ARHGAP15: variants seen among roughly 807,000 people sequenced by gnomAD.
ARHGAP15 encodes Rho GTPase activating protein 15.
In ARHGAP15, 51 loss-of-function variants were observed where a neutral mutation model predicts 63.7. The ratio of observed to expected loss-of-function variants is 0.80; its 90% CI spans 0.64 to 1.01. ARHGAP15 has a LOEUF of 1.01. Ranked by LOEUF, ARHGAP15 falls within the 50% of genes least tolerant of loss-of-function variation. The pLI is 0.00. For synonymous variants in ARHGAP15, 191 were observed against 193.8 expected, an observed-to-expected ratio of 0.99 and a Z score of 0.12; for missense variants, 560 against 564.6, an observed-to-expected ratio of 0.99 and a Z score of 0.08.
intron 6 of ARHGAP15, among the ~76,000 whole-genome samples, chr2:143,393,730 A>T (rs868715071): frequency 0.078 from 8,598 of 109,804 alleles, 358 homozygotes; most frequent in Non-Finnish European, 0.094. Flanking sequence ...TCTGTCTAAA[A>T]AAAAAAAAAA....
At chr2:143,187,874 T>C (rs893088711) in intron 2 of ARHGAP15, among the ~76,000 whole-genome samples, 1 of 152,214 alleles carries the variant, frequency 6.6e-6, no homozygotes, top group Admixed American at 6.5e-5. Flanking sequence ...AAAAAGTTTC[T>C]TTTTAAAATG....
chr2:143,484,128 C>T (rs1257825091), intron 8 of ARHGAP15, among the ~76,000 whole-genome samples: 1 of 151,920 alleles, frequency 6.6e-6, no homozygotes, highest in Non-Finnish European at 1.5e-5. Flanking sequence ...CTTTGGGAGG[C>T]TGGGGGTGGG....
chr2:143,290,408 A>C lies in ARHGAP15; in HGVS notation c.474+39808A>C, dbSNP rs1351698541. The stretch of plus-strand genomic sequence containing the variant: ...AATGATGGCAACAAGCCCAAACTCG[A>C]GTTTGTCCCATCCAAAAAAAGAAAA... On this transcript the variant is annotated intron_variant, in intron 6 of 13. Coordinates refer to ENST00000295095, the MANE Select transcript of ARHGAP15 (RefSeq NM_018460.4). Among the ~76,000 whole-genome samples the C allele has an allele frequency of 2.6e-5, 4 of 151,648 alleles. No homozygotes were observed. The East Asian group carries it at 5.8e-4, about 22-fold the overall frequency.
chr2:143,742,871 C>G (rs572851059), intron 13 of ARHGAP15, among the ~76,000 whole-genome samples: 1 of 152,180 alleles, frequency 6.6e-6, no homozygotes, highest in East Asian at 1.9e-4. Context: ...GCCATAACCA[C>G]GACTGCTCAT....
At chr2:143,325,238 T>A (rs1226504916) in intron 6 of ARHGAP15, among the ~76,000 whole-genome samples, 2 of 152,284 alleles carry the variant, frequency 1.3e-5, no homozygotes, top group East Asian at 3.9e-4. Context: ...TCAAGACAGC[T>A]TGAAACAGAC....
intron 10 of ARHGAP15, among the ~76,000 whole-genome samples, chr2:143,551,004 T>G (rs1176414052): frequency 6.6e-6 from 1 of 152,128 alleles, no homozygotes. Flanking sequence ...ATTAACTCAA[T>G]GAAGAGAAAG....
chr2:143,235,847 T>C, intron 5 of ARHGAP15: 1 of 1,382,262 alleles, frequency 7.2e-7, no homozygotes, highest in Non-Finnish European at 9.6e-7. Flanking sequence ...ATTTTTCAGG[T>C]ACACTTTCCT....
chr2:143,302,206 C>G (rs1428650208), intron 6 of ARHGAP15, among the ~76,000 whole-genome samples: 1 of 151,776 alleles, frequency 6.6e-6, no homozygotes, highest in African/African-American at 2.4e-5. Flanking sequence ...CTTGGTGTTC[C>G]ATATCCATCA....
chr2:143,731,470 C>A (rs138712615), intron 13 of ARHGAP15, among the ~76,000 whole-genome samples: 1 of 152,302 alleles, frequency 6.6e-6, no homozygotes, highest in East Asian at 1.9e-4. Context: ...AGTCATGCCT[C>A]ATACATCTCC....
At chr2:143,527,127 T>C (rs1164860711) in intron 10 of ARHGAP15, among the ~76,000 whole-genome samples, 1 of 152,102 alleles carries the variant, frequency 6.6e-6, no homozygotes, top group African/African-American at 2.4e-5. Context: ...AAATGACATT[T>C]TCCAAGGGAT....
At chr2:143,563,140 T>C (rs1045797236) in intron 11 of ARHGAP15, among the ~76,000 whole-genome samples, 2 of 152,218 alleles carry the variant, frequency 1.3e-5, no homozygotes, top group African/African-American at 4.8e-5. Flanking sequence ...GAAATTATTT[T>C]AACCCCTTTA....
At chr2:143,391,265 A>G (rs1260472101) in intron 6 of ARHGAP15, among the ~76,000 whole-genome samples, 1 of 152,214 alleles carries the variant, frequency 6.6e-6, no homozygotes, top group East Asian at 1.9e-4. Flanking sequence ...GGCTGAGGAA[A>G]GGATTTAAGG....
intron 6 of ARHGAP15, among the ~76,000 whole-genome samples, chr2:143,409,191 T>C (rs1216932375): frequency 6.6e-6 from 1 of 152,006 alleles, no homozygotes; most frequent in African/African-American, 2.4e-5. Flanking sequence ...GTAAAGCATG[T>C]TCTTTGAAGA....
At chr2:143,398,551 A>G (rs1278464866) in intron 6 of ARHGAP15, among the ~76,000 whole-genome samples, 1 of 152,102 alleles carries the variant, frequency 6.6e-6, no homozygotes, top group Non-Finnish European at 1.5e-5. Flanking sequence ...CACACAGTGG[A>G]ATGGAAATAA....
chr2:143,477,037 G>A lies in ARHGAP15; in HGVS notation c.704-10336G>A, dbSNP rs544084028. 3.3e-5 allele frequency among the ~76,000 whole-genome samples: 5 copies of A among 152,252 alleles called. No individual in the cohort carries two copies. The East Asian group carries it at 9.6e-4, about 29-fold the overall frequency. On this transcript the variant is annotated intron_variant, in intron 8 of 13. Coordinates refer to ENST00000295095, the MANE Select transcript of ARHGAP15 (RefSeq NM_018460.4). Reference sequence around the variant, plus strand: ...TGTCACAGTTCAGAAAGTCGTTAATGGATAGTTCTTCAAAACCCAATGATT... The same window carrying A: ...TGTCACAGTTCAGAAAGTCGTTAATAGATAGTTCTTCAAAACCCAATGATT...
chr2:143,301,434 AG>A, intron 6 of ARHGAP15, among the ~76,000 whole-genome samples: 1 of 152,094 alleles, frequency 6.6e-6, no homozygotes, highest in East Asian at 1.9e-4. Flanking sequence ...CTAATAAAGA[AG>A]GCAACAGTCA....
intron 12 of ARHGAP15, among the ~76,000 whole-genome samples, chr2:143,639,010 C>T (rs1574750953): frequency 6.6e-6 from 1 of 152,080 alleles, no homozygotes; most frequent in East Asian, 1.9e-4. Context: ...ATTAAGTAGC[C>T]TTCCTAAGGC....
intron 4 of ARHGAP15, among the ~76,000 whole-genome samples, chr2:143,220,412 T>C (rs899944802): frequency 1.3e-5 from 2 of 152,176 alleles, no homozygotes; most frequent in Non-Finnish European, 2.9e-5. Context: ...GGTCTCGCCA[T>C]GTTGCTCAGA....
intron 6 of ARHGAP15, among the ~76,000 whole-genome samples, chr2:143,267,018 C>G (rs1681032219): frequency 6.6e-6 from 1 of 152,134 alleles, no homozygotes; most frequent in Non-Finnish European, 1.5e-5. Context: ...CTTTAAAGCT[C>G]TTACCTGAAA....
Sources: gnomAD v4.1 joint callset for allele counts (sites outside exome capture counted in the v4.1 genomes callset) on GRCh38, gnomAD v4.1.1 for gene constraint, MANE v1.5 for transcripts, NCBI Gene and HGNC (gene_info 2026-07-23, HGNC 2026-07-21) for gene names.